TNRC6B: variants seen among roughly 807,000 people sequenced by gnomAD.
TNRC6B encodes trinucleotide repeat containing adaptor 6B, also known as trinucleotide repeat-containing gene 6B protein.
TNRC6B carries 52 observed loss-of-function variants against 203.6 expected under a neutral mutation model. That is an observed-to-expected ratio of 0.26 (90% CI 0.20 to 0.32). The LOEUF is 0.32. TNRC6B is among the 10% of genes least tolerant of loss of function. The pLI is 1.00. For missense variants in TNRC6B, 1,923 were observed against 2,286.2 expected (o/e 0.84, Z 3.24); for synonymous variants, 838 against 845.7 (o/e 0.99, Z 0.16).
intron 2 of TNRC6B, among the ~76,000 whole-genome samples, chr22:40,119,509 G>A (rs2068424032): frequency 6.6e-6 from 1 of 152,190 alleles, no homozygotes; most frequent in South Asian, 2.1e-4. Flanking sequence ...GCTTGAACCT[G>A]GGAGGCAGAG....
rs1282694632 is a variant in TNRC6B, at chr22:40,132,969, A to AAAATAT, written c.45+7108_45+7109insAATATA. Among the ~76,000 whole-genome samples, 451 of 78,146 alleles carry AAAATAT rather than the reference A, an allele frequency of 5.8e-3. 7 individuals carry two copies. The highest frequency in any genetic ancestry group is 7.1e-3 in the Non-Finnish European group (270 of 37,906). The allele number at this position is 78,146 out of a possible 152,430, so 51.3% of individuals were successfully genotyped here. A position where few individuals can be genotyped will look rare whatever the true frequency, so the allele number is the denominator to read the frequency against. On this transcript the variant is annotated intron_variant, in intron 3 of 23. Coordinates refer to the TNRC6B transcript ENST00000301923. ...AAAAAAAAAAAAAAAAAAAAAAAAA[A>AAAATAT]ATATATATATATATATATATATTCT...
intron 1 of TNRC6B, among the ~76,000 whole-genome samples, chr22:40,048,336 C>G (rs958430092): frequency 6.6e-5 from 10 of 152,120 alleles, no homozygotes; most frequent in African/African-American, 2.4e-4. Flanking sequence ...GTCAGGAGAT[C>G]AAGACCATTC....
intron 15 of TNRC6B, chr22:40,301,542 C>G: frequency 1.8e-6 from 1 of 569,890 alleles, no homozygotes; most frequent in South Asian, 2.5e-5. Context: ...ATAGCAGAGC[C>G]AGGCCTCTAA....
chr22:40,148,364 A>G (rs976259306), intron 3 of TNRC6B, among the ~76,000 whole-genome samples: 13 of 151,070 alleles, frequency 8.6e-5, no homozygotes, highest in African/African-American at 2.7e-4. Context: ...GCTCACTGCA[A>G]CCTCCGCCTC....
intron 3 of TNRC6B, among the ~76,000 whole-genome samples, chr22:40,259,473 C>T (rs989526802): frequency 1.2e-4 from 18 of 152,196 alleles, no homozygotes; most frequent in African/African-American, 3.9e-4. Context: ...CTACCCACCT[C>T]GGCCTCCCAA....
Position 40,326,099 on chromosome 22 carries a change from G to A in TNRC6B, c.*2858G>A, listed in dbSNP as rs1423019445. The A allele has an allele frequency of 2.0e-5, 3 of 152,156 alleles. No homozygotes were observed. Among genetic ancestry groups the A allele is most frequent in the Admixed American group, 6.6e-5 (1 of 15,254 alleles). 9.4% of individuals were successfully genotyped at this position (152,156 alleles called of 1,614,324 possible). A position where few individuals can be genotyped will look rare whatever the true frequency, so the allele number is the denominator to read the frequency against. On this transcript the variant is annotated 3_prime_UTR_variant, in exon 23 of 23. Transcript: ENST00000454349. ...TATTTTAGATGAAGACTAACTCTGG[G>A]AGCATTTAACAGTGTTTTTTGTTTC...
At chr22:40,048,327 T>C (rs1397013910) in intron 1 of TNRC6B, among the ~76,000 whole-genome samples, 1 of 152,114 alleles carries the variant, frequency 6.6e-6, no homozygotes, top group African/African-American at 2.4e-5. Context: ...GATCACGAGG[T>C]CAGGAGATCA....
intron 11 of TNRC6B, among the ~76,000 whole-genome samples, chr22:40,283,281 G>A (rs1364529324): frequency 2.6e-5 from 4 of 152,050 alleles, no homozygotes; most frequent in Non-Finnish European, 4.4e-5. Flanking sequence ...CTCGTGATCC[G>A]CCCGCCTTGG....
intron 1 of TNRC6B, among the ~76,000 whole-genome samples, chr22:40,064,955 A>T (rs973110745): frequency 6.6e-6 from 1 of 151,940 alleles, no homozygotes; most frequent in Non-Finnish European, 1.5e-5. Flanking sequence ...TTAACTTGCT[A>T]GTATATTTTG....
chr22:40,224,667 C>T (rs1197408657), intron 1 of TNRC6B, among the ~76,000 whole-genome samples: 2 of 152,186 alleles, frequency 1.3e-5, no homozygotes, highest in East Asian at 3.8e-4. Flanking sequence ...GAAAAATCAG[C>T]CACAGGTTTT....
At chr22:40,125,918 G>A (rs893456443) in intron 3 of TNRC6B, 10 of 1,534,720 alleles carry the variant, frequency 6.5e-6, no homozygotes, top group Non-Finnish European at 7.9e-6. Flanking sequence ...TAGAGGCTGT[G>A]GATGAGTAGA....
intron 3 of TNRC6B, among the ~76,000 whole-genome samples, chr22:40,258,071 C>CT (rs56078653): frequency 0.075 from 2,159 of 28,688 alleles, 239 homozygotes; most frequent in Non-Finnish European, 0.1. Flanking sequence ...GATACACAGC[C>CT]TTTTTTTTTT....
intron 3 of TNRC6B, among the ~76,000 whole-genome samples, chr22:40,256,833 G>A (rs2070286266): frequency 6.6e-6 from 1 of 152,162 alleles, no homozygotes; most frequent in Non-Finnish European, 1.5e-5. Context: ...TGGGAGGGAG[G>A]GAATGACGAG....
chr22:40,217,092 T>C (rs2069645722), intron 1 of TNRC6B, among the ~76,000 whole-genome samples: 1 of 152,216 alleles, frequency 6.6e-6, no homozygotes, highest in South Asian at 2.1e-4. Flanking sequence ...AGGTGTACCG[T>C]ATATCCTTCC....
At chr22:40,148,782 T>A (rs1001970017) in intron 3 of TNRC6B, among the ~76,000 whole-genome samples, 1 of 150,186 alleles carries the variant, frequency 6.7e-6, no homozygotes, top group African/African-American at 2.5e-5. Flanking sequence ...TGACTGGTGT[T>A]CATATTAAAA....
At chr22:40,054,329 C>T (rs1054220220) in intron 1 of TNRC6B, among the ~76,000 whole-genome samples, 3 of 152,184 alleles carry the variant, frequency 2.0e-5, no homozygotes, top group African/African-American at 7.2e-5. Flanking sequence ...TGCCTCTTTT[C>T]CTACTGTCTT....
At chr22:40,069,590 C>T (rs112302371) in intron 1 of TNRC6B, among the ~76,000 whole-genome samples, 6,781 of 151,060 alleles carry the variant, frequency 0.045, 473 homozygotes, top group African/African-American at 0.15. Flanking sequence ...TAGGTTCAGG[C>T]GATTCTCCTG....
At position 40,329,460 on chromosome 22, in the gene TNRC6B, G is replaced by A. The variant is rs1192391149; in HGVS notation, c.*6219G>A. On this transcript the variant is annotated 3_prime_UTR_variant, in exon 23 of 23. Coordinates refer to ENST00000454349, the MANE Select transcript of TNRC6B (RefSeq NM_001162501.2). ...TTTTTTTTCTTAAGTTTGACAAAGG[G>A]GGTGGTAATATCACATTCTTTAGAT... 1 of 152,022 alleles carries A rather than the reference G, an allele frequency of 6.6e-6. No individual in the cohort carries two copies. Among genetic ancestry groups the A allele is most frequent in the Non-Finnish European group, 1.5e-5 (1 of 68,008 alleles). The allele number at this position is 152,022 out of a possible 1,614,324, so 9.4% of individuals were successfully genotyped here. A position where few individuals can be genotyped will look rare whatever the true frequency, so the allele number is the denominator to read the frequency against.
chr22:40,159,549 G>T (rs1199838449), intron 4 of TNRC6B, among the ~76,000 whole-genome samples: 87 of 151,788 alleles, frequency 5.7e-4, no homozygotes, highest in Non-Finnish European at 1.9e-4. Flanking sequence ...TGAGGCAGGA[G>T]AATGGCGTGA....
Sources: allele counts gnomAD v4.1 joint callset (sites outside exome capture counted in the v4.1 genomes callset), GRCh38; gene constraint gnomAD v4.1.1; transcripts MANE v1.5; gene names NCBI Gene and HGNC (gene_info 2026-07-23, HGNC 2026-07-21).